RYR2: variants seen among roughly 807,000 people sequenced by gnomAD.
RYR2 encodes the protein cardiac muscle ryanodine receptor-calcium release channel.
RYR2 carries 227 observed loss-of-function variants against 601.1 expected under a neutral mutation model. That is an observed-to-expected ratio of 0.38 (90% CI 0.34 to 0.42). RYR2 has a LOEUF of 0.42. Among genes scored for constraint, RYR2 ranks in the 10% least tolerant of loss-of-function variants. RYR2 has a pLI of 1.00. For missense variants in RYR2, 4,646 were observed against 6,156.5 expected (o/e 0.75, Z 8.21); for synonymous variants, 2,223 against 2,175.1 (o/e 1.02, Z -0.61).
chr1:237,669,982 A>G lies in RYR2; in HGVS notation c.8590+2024A>G, dbSNP rs1684760188. Among the ~76,000 whole-genome samples the G allele has an allele frequency of 2.0e-5, 3 of 152,130 alleles. No individual in the cohort carries two copies. In the South Asian group the frequency reaches 6.2e-4, roughly 32 times the overall value. ...TAGCGAGCCGAGATCACGCCACTGC[A>G]CTCCAGCCTGGGCACCATTGAGCAC... On this transcript the variant is annotated intron_variant, in intron 58 of 104. Transcript: ENST00000366574.
At chr1:237,188,916 A>G (rs1679665129) in intron 1 of RYR2, among the ~76,000 whole-genome samples, 1 of 152,096 alleles carries the variant, frequency 6.6e-6, no homozygotes, top group East Asian at 1.9e-4. Context: ...TAAATTTCCC[A>G]TCTTAGCCAT....
intron 75 of RYR2, 130 bp from the exon 76 acceptor site, chr1:237,726,957 C>T: frequency 7.0e-6 from 4 of 570,404 alleles, no homozygotes; most frequent in East Asian, 2.9e-5. Context: ...ATTGGAATTC[C>T]AAATATAGAT....
intron 1 of RYR2, among the ~76,000 whole-genome samples, chr1:237,151,435 C>G (rs1674696706): frequency 6.6e-6 from 1 of 152,128 alleles, no homozygotes; most frequent in African/African-American, 2.4e-5. Context: ...TGAATGGTTG[C>G]TGATGTTATT....
intron 25 of RYR2, among the ~76,000 whole-genome samples, chr1:237,536,840 C>G (rs1386917656): frequency 7.0e-6 from 1 of 143,578 alleles, no homozygotes; most frequent in Non-Finnish European, 1.5e-5. Context: ...GAGCCGAGAT[C>G]GCGCCACTGC....
Position 237,377,590 on chromosome 1 carries a change from C to T in RYR2, c.576+155C>T, listed in dbSNP as rs10925393. ...GATTAATTATAAATAACTTCCTAAACGGAAGAATAATGTGATGTGGGTGCA... is the reference window on the plus strand; with the variant it reads ...GATTAATTATAAATAACTTCCTAAATGGAAGAATAATGTGATGTGGGTGCA... On this transcript the variant is annotated intron_variant, in intron 8 of 104. Transcript: ENST00000366574. 6.7e-3 allele frequency among the ~76,000 whole-genome samples: 1,026 copies of T among 152,230 alleles called. 16 individuals carry two copies. The highest frequency in any genetic ancestry group is 0.021 in the African/African-American group (880 of 41,548).
chr1:237,196,788 G>A (rs1487290723), intron 1 of RYR2, among the ~76,000 whole-genome samples: 12 of 152,122 alleles, frequency 7.9e-5, no homozygotes, highest in Non-Finnish European at 1.8e-4. Context: ...GAATCAGCTT[G>A]TCAAAGTCTG....
At chr1:237,643,774 G>A (rs1033070947) in intron 48 of RYR2, among the ~76,000 whole-genome samples, 3 of 151,762 alleles carry the variant, frequency 2.0e-5, no homozygotes, top group East Asian at 2.0e-4. Flanking sequence ...CACCATGCCC[G>A]GCTAATTTTT....
chr1:237,743,020 G>A (rs1404321697), intron 80 of RYR2, among the ~76,000 whole-genome samples: 1 of 152,156 alleles, frequency 6.6e-6, no homozygotes, highest in African/African-American at 2.4e-5. Flanking sequence ...GGAAAAGCTA[G>A]TTGTTGCTAA....
chr1:237,298,105 A>G (rs1692985115), intron 2 of RYR2, among the ~76,000 whole-genome samples: 1 of 152,030 alleles, frequency 6.6e-6, no homozygotes, highest in Admixed American at 6.6e-5. Context: ...AATGGGAATC[A>G]TTTGTTCCTT....
intron 1 of RYR2, among the ~76,000 whole-genome samples, chr1:237,216,643 A>C (rs1056088616): frequency 6.6e-6 from 1 of 151,976 alleles, no homozygotes; most frequent in East Asian, 1.9e-4. Context: ...AGGCTGAGGC[A>C]GGAGAATGGC....
In RYR2 at chr1:237,500,891, C is replaced by T; in HGVS notation, c.2384C>T (p.Ser795Phe). Residue 795 changes from serine (S) to phenylalanine (F), a missense_variant, in exon 21 of 105, where the codon TCT becomes TTT. Around this residue, in one of 17 missense-constraint regions of RYR2, gnomAD observed 1,807 missense variants for 2,088.1 expected, o/e 0.87. Coordinates refer to ENST00000366574, the MANE Select transcript of RYR2 (RefSeq NM_001035.3). ...DGLFFPVVSFSAGIKVRFLLG... is the reference protein window; with the variant it reads ...DGLFFPVVSFFAGIKVRFLLG... ...CTCTTCTTTCCAGTCGTTAGTTTCT[C>T]TGCAGGAATAAAGTTAGTATGTCTA... The T allele has an allele frequency of 1.9e-6, 3 of 1,613,980 alleles. No homozygotes were observed. Among genetic ancestry groups the T allele is most frequent in the Non-Finnish European group, 2.5e-6 (3 of 1,179,860 alleles).
At chr1:237,228,364 C>G (rs146315497) in intron 1 of RYR2, among the ~76,000 whole-genome samples, 166 of 152,264 alleles carry the variant, frequency 1.1e-3, no homozygotes, top group African/African-American at 3.8e-3. Context: ...GTTTCTTTAT[C>G]CATTCTTTGA....
intron 43 of RYR2, among the ~76,000 whole-genome samples, chr1:237,634,598 A>C (rs1213868591): frequency 6.6e-6 from 1 of 152,210 alleles, no homozygotes; most frequent in African/African-American, 2.4e-5. Context: ...GCCAGAGTAG[A>C]TTTTGAGTGT....
At chr1:237,177,477 C>T (rs542421847) in intron 1 of RYR2, among the ~76,000 whole-genome samples, 3 of 152,214 alleles carry the variant, frequency 2.0e-5, no homozygotes, top group South Asian at 2.1e-4. Flanking sequence ...TCTTGCTTTC[C>T]TATTTTTTAA....
At chr1:237,516,018 A>G (rs541844979) in intron 24 of RYR2, among the ~76,000 whole-genome samples, 1 of 126,104 alleles carries the variant, frequency 7.9e-6, no homozygotes, top group African/African-American at 3.1e-5. Context: ...TCTTCTCTTT[A>G]TCTTTCTCCT....
intron 1 of RYR2, among the ~76,000 whole-genome samples, chr1:237,217,278 G>C (rs533983865): frequency 1.3e-5 from 2 of 151,666 alleles, no homozygotes; most frequent in East Asian, 3.9e-4. Flanking sequence ...GGTAGTCTAC[G>C]TGCCTGACTT....
chr1:237,786,103 C>T, intron 91 of RYR2, 67 bp downstream of exon 91: 1 of 1,006,652 alleles, frequency 9.9e-7, no homozygotes, highest in Non-Finnish European at 1.5e-6. Context: ...TTCTTGTACT[C>T]TGTCTTTGGG....
chr1:237,479,034 C>A (rs1157493349), intron 17 of RYR2, among the ~76,000 whole-genome samples: 11 of 152,202 alleles, frequency 7.2e-5, no homozygotes, highest in African/African-American at 7.2e-5. Context: ...ACCCACCTAG[C>A]CTCCCTTGTG....
At chr1:237,253,010 C>CA (rs1687610457) in intron 1 of RYR2, among the ~76,000 whole-genome samples, 1 of 151,730 alleles carries the variant, frequency 6.6e-6, no homozygotes, top group South Asian at 2.1e-4. Context: ...ACTAAAAATA[C>CA]AAAAATGAGC....
Sources: allele counts gnomAD v4.1 joint callset (sites outside exome capture counted in the v4.1 genomes callset), GRCh38; gene constraint gnomAD v4.1.1; regional missense constraint gnomAD v4.1.1; transcripts MANE v1.5; gene names NCBI Gene and HGNC (gene_info 2026-07-23, HGNC 2026-07-21).